Variants in CLCC1 observed in about 807,000 individuals in gnomAD.
CLCC1 encodes the protein chloride channel CLIC-like protein 1.
A neutral mutation model predicts 63.3 loss-of-function variants in CLCC1; 39 were observed. The ratio of observed to expected loss-of-function variants is 0.62; its 90% CI spans 0.48 to 0.81. The LOEUF is 0.81. Ranked by LOEUF, CLCC1 falls within the 30% of genes least tolerant of loss-of-function variation. The pLI is 0.00. For synonymous variants in CLCC1, 217 were observed against 239.8 expected (o/e 0.90, Z 0.88); for missense variants, 549 against 669.4 (o/e 0.82, Z 1.98).
chr1:108,945,524 GT>G (rs1460606908), intron 5 of CLCC1, among the ~76,000 whole-genome samples: 41 of 152,286 alleles, frequency 2.7e-4, no homozygotes, highest in African/African-American at 9.1e-4. Context: ...GTGTCCCAGA[GT>G]AACCACAGAA....
intron 7 of CLCC1, among the ~76,000 whole-genome samples, chr1:108,941,757 G>A (rs991414492): frequency 3.4e-4 from 52 of 152,062 alleles, no homozygotes; most frequent in African/African-American, 1.2e-3. Context: ...GGGTTCAAGC[G>A]ATTCTCCTGC....
chr1:108,952,352 A>AT (rs1190958894), intron 2 of CLCC1, among the ~76,000 whole-genome samples: 2 of 151,612 alleles, frequency 1.3e-5, no homozygotes, highest in African/African-American at 2.4e-5. Context: ...CTAATTTTGT[A>AT]TTTTTAGTAG....
rs778687676 is a variant in CLCC1 at position 108,929,694 on chromosome 1, CTTCT to C, written c.*2849_*2852del. On this transcript the variant is annotated 3_prime_UTR_variant, in exon 13 of 13. Transcript: ENST00000369969. The stretch of plus-strand genomic sequence containing the variant: ...TATGTCTTTTAATCTCTCTCATAAA[CTTCT>C]AGGGATCCAGATTAGATGATCAAAG... 6.2e-7 allele frequency: 1 copy of C among 1,612,576 alleles called. No homozygotes were observed. The highest frequency in any genetic ancestry group is 1.1e-5 in the South Asian group (1 of 91,054).
chr1:108,961,190 C>T (rs1184949843), intron 2 of CLCC1, among the ~76,000 whole-genome samples: 1 of 149,050 alleles, frequency 6.7e-6, no homozygotes. Context: ...TCCCCATGGT[C>T]ACTGATTGAA....
chr1:108,936,459 T>C (rs1234932948), intron 11 of CLCC1, among the ~76,000 whole-genome samples: 1 of 152,256 alleles, frequency 6.6e-6, no homozygotes, highest in East Asian at 1.9e-4. Context: ...GATTCTATAA[T>C]TTCCCAGATT....
At chr1:108,934,485 A>T in intron 12 of CLCC1, 140 bp downstream of exon 12, 1 of 604,444 alleles carries the variant, frequency 1.7e-6, no homozygotes, top group Non-Finnish European at 2.8e-6. Flanking sequence ...AAAAGCTTTT[A>T]CATATATAAC....
intron 1 of CLCC1, 121 bp downstream of exon 1, chr1:108,963,240 C>A (rs1656904872): frequency 1.7e-6 from 1 of 604,218 alleles, no homozygotes; most frequent in Admixed American, 2.6e-5. Flanking sequence ...ACGGTCCCCG[C>A]CCCGGGTCGC....
intron 4 of CLCC1, 136 bp downstream of exon 4, chr1:108,949,684 T>G: frequency 2.0e-6 from 1 of 508,776 alleles, no homozygotes; most frequent in African/African-American, 2.0e-5. Context: ...GGTTAGAGTA[T>G]CCAAAGAAAA....
chr1:108,938,844 C>T (rs947013725), intron 10 of CLCC1, among the ~76,000 whole-genome samples: 3 of 152,184 alleles, frequency 2.0e-5, no homozygotes, highest in South Asian at 4.1e-4. Context: ...AAGGTTAACA[C>T]ATTTAAAAAG....
intron 5 of CLCC1, 139 bp from the exon 6 acceptor site, chr1:108,944,196 A>G (rs10776774): frequency 0.47 from 310,686 of 660,100 alleles, 74,375 homozygotes; most frequent in African/African-American, 0.62. Flanking sequence ...TAGCCTGGGC[A>G]AGGTAGCTCA....
intron 2 of CLCC1, among the ~76,000 whole-genome samples, chr1:108,955,745 T>G (rs1301270704): frequency 6.6e-6 from 1 of 151,424 alleles, no homozygotes; most frequent in Admixed American, 6.6e-5. Context: ...AAGGAATTTC[T>G]TTTCTCTCCT....
Position 108,930,063 on chromosome 1 carries a change from T to C in CLCC1, c.*2484A>G, listed in dbSNP as rs1056561108. 6.6e-6 allele frequency: 6 copies of C among 908,960 alleles called. No individual in the cohort carries two copies. The highest frequency in any genetic ancestry group is 1.0e-5 in the Non-Finnish European group (6 of 592,482). 56.3% of individuals were successfully genotyped at this position (908,960 alleles called of 1,614,324 possible). A position where few individuals can be genotyped will look rare whatever the true frequency, so the allele number is the denominator to read the frequency against. ...TAAAATATTTTTAGAATGATGTAAA[T>C]AGTTAACCTTCAGTAGTCTATTAAG... is the stretch of plus-strand genomic sequence containing the variant. On this transcript the variant is annotated 3_prime_UTR_variant, in exon 13 of 13. Coordinates refer to ENST00000369969, the MANE Select transcript of CLCC1 (RefSeq NM_001377458.1).
intron 11 of CLCC1, among the ~76,000 whole-genome samples, chr1:108,935,968 T>C (rs11586884): frequency 1.6e-3 from 249 of 151,960 alleles, no homozygotes; most frequent in Middle Eastern, 6.9e-3. Context: ...CAAGGAGGCT[T>C]CCAGGCCATT....
At position 108,950,426 on chromosome 1, in the gene CLCC1, A is replaced by G. The variant is rs1655039953; in HGVS notation, c.12T>C (p.Ser4=). The G allele has an allele frequency of 1.9e-6, 3 of 1,607,876 alleles. No individual in the cohort carries two copies. Among genetic ancestry groups the G allele is most frequent in the Non-Finnish European group, 2.6e-6 (3 of 1,176,178 alleles). The change falls in exon 3 of 13, where the codon TCT becomes TCC. Residue 4 remains serine, a synonymous_variant. Coordinates refer to ENST00000369969, the MANE Select transcript of CLCC1 (RefSeq NM_001377458.1). MLC[S]LLLCECLLLV... ...GCAACAGACATTCACAAAGGAGCAA[A>G]GAACACAGCATCCTGTATAAGGCTA...
At chr1:108,954,960 T>C (rs1437176624) in intron 2 of CLCC1, among the ~76,000 whole-genome samples, 1 of 151,152 alleles carries the variant, frequency 6.6e-6, no homozygotes, top group East Asian at 1.9e-4. Context: ...CCCTCCCAAG[T>C]AGCTGGGATT....
At position 108,943,919 on chromosome 1, in the gene CLCC1, T is replaced by G. The variant is rs141270237; in HGVS notation, c.478A>C (p.Ile160Leu). 2,042 of 1,613,808 alleles carry G rather than the reference T, an allele frequency of 1.3e-3. 8 individuals are homozygous for G. Among genetic ancestry groups the G allele is most frequent in the Non-Finnish European group, 1.4e-3 (1,671 of 1,179,744 alleles). The change falls in exon 6 of 13, where the codon ATT becomes CTT. Residue 160 changes from isoleucine to leucine, a missense_variant. Transcript: ENST00000369969. ...ALDDALSDIL[I>L]NFKFHDFETW... is the part of the protein sequence containing the mutation. ...TCAAAATCATGAAACTTAAAATTAA[T>G]TAAAATATCACTTAGTGCATCATCC...
At position 108,944,479 on chromosome 1, in the gene CLCC1, A is replaced by T. The variant is rs531975847; in HGVS notation, c.340-422T>A. Among the ~76,000 whole-genome samples, 672 of 152,186 alleles carry T rather than the reference A, an allele frequency of 4.4e-3. 7 individuals carry two copies. The highest frequency in any genetic ancestry group is 3.5e-3 in the African/African-American group (147 of 41,530). Reference sequence around the variant, plus strand: ...GTAAGACCCTGTCTCTAAAAAAAAAAAATAATAATAATATCCACCTGTCTT... The same window carrying T: ...GTAAGACCCTGTCTCTAAAAAAAAATAATAATAATAATATCCACCTGTCTT... On this transcript the variant is annotated intron_variant, in intron 5 of 12. Coordinates refer to ENST00000369969, the MANE Select transcript of CLCC1 (RefSeq NM_001377458.1).
Position 108,934,878 on chromosome 1 carries a change from G to A in CLCC1, c.1448C>T (p.Pro483Leu), listed in dbSNP as rs201503270. The A allele has an allele frequency of 4.5e-5, 73 of 1,613,962 alleles. No homozygotes were observed. The highest frequency in any genetic ancestry group is 3.2e-4 in the African/African-American group (24 of 74,888). The stretch of plus-strand genomic sequence containing the variant: ...GCTGCTTTCAGTACTGCTTTCTTTC[G>A]GTGTGCCTTCCCCCAGGATTCCACC... ...ETGGILGEGT[P>L]KESSTESSQS... Residue 483 changes from proline (P) to leucine (L), a missense_variant, in exon 12 of 13, where the codon CCG (proline) becomes CTG (leucine). Physicochemically the swap from Pro to Leu is moderately conservative, Grantham distance 98. Coordinates refer to ENST00000369969, the MANE Select transcript of CLCC1 (RefSeq NM_001377458.1).
chr1:108,948,057 C>T (rs1654765574), intron 4 of CLCC1, among the ~76,000 whole-genome samples: 1 of 151,798 alleles, frequency 6.6e-6, no homozygotes, highest in Non-Finnish European at 1.5e-5. Context: ...TCCAAAGCAA[C>T]AATTTAACAA....
Sources: gnomAD v4.1 joint callset for allele counts (sites outside exome capture counted in the v4.1 genomes callset) on GRCh38, gnomAD v4.1.1 for gene constraint, MANE v1.5 for transcripts, NCBI Gene and HGNC (gene_info 2026-07-23, HGNC 2026-07-21) for gene names.